PPP2R2C: variants seen among roughly 807,000 people sequenced by gnomAD.
PPP2R2C encodes protein phosphatase 2 regulatory subunit Bgamma.
A neutral mutation model predicts 45.3 loss-of-function variants in PPP2R2C; 10 were observed. The ratio of observed to expected loss-of-function variants is 0.22; its 90% CI spans 0.14 to 0.37. The LOEUF is 0.37. Among genes scored for constraint, PPP2R2C ranks in the 10% least tolerant of loss-of-function variants. The pLI, the probability that PPP2R2C is intolerant of heterozygous loss-of-function variation, is 1.00. For missense variants in PPP2R2C, 308 were observed against 619.7 expected (o/e 0.50, Z 5.34); for synonymous variants, 257 against 245.4 (o/e 1.05, Z -0.44).
chr4:6,391,142 G>A (rs1160892430), intron 1 of PPP2R2C, among the ~76,000 whole-genome samples: 1 of 152,110 alleles, frequency 6.6e-6, no homozygotes, highest in East Asian at 1.9e-4. Context: ...GCCCACCCAC[G>A]TAACCTGGAC....
At chr4:6,519,477 G>A (rs1054309688) in intron 2 of PPP2R2C, among the ~76,000 whole-genome samples, 5 of 152,112 alleles carry the variant, frequency 3.3e-5, no homozygotes, top group South Asian at 2.1e-4. Flanking sequence ...CCCAGCTCCC[G>A]TCATGCAGCC....
chr4:6,546,156 A>C (rs1342176720), intron 1 of PPP2R2C, among the ~76,000 whole-genome samples: 2 of 152,200 alleles, frequency 1.3e-5, no homozygotes, highest in Non-Finnish European at 2.9e-5. Context: ...ATCCATGGGA[A>C]CTCTGCAAGG....
At chr4:6,501,405 A>C (rs907499232) in intron 2 of PPP2R2C, among the ~76,000 whole-genome samples, 2 of 152,104 alleles carry the variant, frequency 1.3e-5, no homozygotes, top group Admixed American at 6.5e-5. Flanking sequence ...ACCCCCTCTC[A>C]ATCCAGAAAA....
At chr4:6,503,503 T>C (rs941344108) in intron 2 of PPP2R2C, among the ~76,000 whole-genome samples, 7 of 152,224 alleles carry the variant, frequency 4.6e-5, no homozygotes, top group Admixed American at 3.3e-4. Context: ...GACCTGTTTC[T>C]ATTTACTGTA....
At chr4:6,508,658 T>C (rs760283468) in intron 2 of PPP2R2C, among the ~76,000 whole-genome samples, 2 of 152,144 alleles carry the variant, frequency 1.3e-5, no homozygotes, top group African/African-American at 2.4e-5. Context: ...TGACAGGATC[T>C]GAGTTGGGCG....
At chr4:6,438,898 T>C (rs1489242655) in intron 1 of PPP2R2C, among the ~76,000 whole-genome samples, 1 of 152,200 alleles carries the variant, frequency 6.6e-6, no homozygotes, top group Non-Finnish European at 1.5e-5. Context: ...AGGTGTTCCC[T>C]GACACAGTGC....
At chr4:6,362,982 G>A (rs983297013) in intron 5 of PPP2R2C, among the ~76,000 whole-genome samples, 2 of 152,186 alleles carry the variant, frequency 1.3e-5, no homozygotes, top group South Asian at 2.1e-4. Context: ...ACCACATAGT[G>A]TTGTTGGGAG....
intron 1 of PPP2R2C, among the ~76,000 whole-genome samples, chr4:6,545,644 C>T (rs1724954874): frequency 6.6e-6 from 1 of 152,222 alleles, no homozygotes; most frequent in Admixed American, 6.5e-5. Context: ...ACCTCTCTGA[C>T]ATCAGTTTCT....
In PPP2R2C at chr4:6,445,629, G is replaced by A. The variant is rs557618617; in HGVS notation, c.70+26531C>T. On this transcript the variant is annotated intron_variant, in intron 1 of 8. Coordinates refer to ENST00000382599, the MANE Select transcript of PPP2R2C (RefSeq NM_020416.4). ...AGCACTCTGGGAGGCCCCGGCAGGGGGATCACTTGAGTCTAGGAGTTTGAG... is the reference window on the plus strand; with the variant it reads ...AGCACTCTGGGAGGCCCCGGCAGGGAGATCACTTGAGTCTAGGAGTTTGAG... Among the ~76,000 whole-genome samples, 3 of 152,322 alleles carry A rather than the reference G, an allele frequency of 2.0e-5. No homozygotes were observed. The South Asian group carries it at 6.2e-4, about 32-fold the overall frequency.
Position 6,345,536 on chromosome 4 carries a change from G to A in PPP2R2C, c.790+2310C>T, listed in dbSNP as rs1711783203. Among the ~76,000 whole-genome samples, 1 of 152,234 alleles carries A rather than the reference G, an allele frequency of 6.6e-6. No individual in the cohort carries two copies. ...CAAGGGCCTTTATACGCGAAAGACAGACAGGAGGGTCAGAGACGTGAGAGA... is the reference window on the plus strand; with the variant it reads ...CAAGGGCCTTTATACGCGAAAGACAAACAGGAGGGTCAGAGACGTGAGAGA... On this transcript the variant is annotated intron_variant, in intron 6 of 8. Coordinates refer to ENST00000382599, the MANE Select transcript of PPP2R2C (RefSeq NM_020416.4). The surrounding 1 kb of genome is among the most constrained non-coding windows in gnomAD (Gnocchi z 5.3).
chr4:6,482,412 T>C (rs1171435026), intron 2 of PPP2R2C, among the ~76,000 whole-genome samples: 1 of 152,322 alleles, frequency 6.6e-6, no homozygotes, highest in East Asian at 1.9e-4. Context: ...TCCTCTGCTG[T>C]GAACCACTGA....
chr4:6,504,882 T>A (rs919039689), intron 2 of PPP2R2C, among the ~76,000 whole-genome samples: 3 of 152,072 alleles, frequency 2.0e-5, no homozygotes, highest in African/African-American at 7.2e-5. Context: ...CACAAAAGTA[T>A]AACAATGGCT....
intron 1 of PPP2R2C, among the ~76,000 whole-genome samples, chr4:6,453,945 A>C (rs757226915): frequency 5.8e-4 from 88 of 152,104 alleles, no homozygotes; most frequent in Non-Finnish European, 1.0e-3. Context: ...CCCGGTGCAC[A>C]CCCAGGGCCA....
chr4:6,482,935 C>T (rs1377574047), intron 2 of PPP2R2C, among the ~76,000 whole-genome samples: 2 of 151,980 alleles, frequency 1.3e-5, no homozygotes, highest in Non-Finnish European at 2.9e-5. Flanking sequence ...TAAAATTTGT[C>T]TAATGTGGAT....
At chr4:6,395,070 T>C (rs1338064736) in intron 1 of PPP2R2C, among the ~76,000 whole-genome samples, 1 of 152,116 alleles carries the variant, frequency 6.6e-6, no homozygotes, top group Non-Finnish European at 1.5e-5. Context: ...GCCTCCTCTC[T>C]GGATTTCCTG....
Position 6,349,503 on chromosome 4 carries a change from T to C in PPP2R2C, c.626-1493A>G. On this transcript the variant is annotated intron_variant, in intron 5 of 8. Transcript: ENST00000382599. ...TTATTATTTTCTATCTGGAAAATAC[T>C]GACTGAAACTCTGAAATCCATCTGC... The C allele has an allele frequency of 3.0e-6, 3 of 985,438 alleles. No individual in the cohort carries two copies. The South Asian group carries it at 1.4e-4, about 46-fold the overall frequency. 61.0% of individuals were successfully genotyped at this position (985,438 alleles called of 1,614,324 possible). A position where few individuals can be genotyped will look rare whatever the true frequency, so the allele number is the denominator to read the frequency against.
chr4:6,511,552 G>T (rs1443617497), intron 2 of PPP2R2C, among the ~76,000 whole-genome samples: 1 of 53,734 alleles, frequency 1.9e-5, no homozygotes, highest in African/African-American at 6.8e-5. Context: ...GGTGATGGTG[G>T]TGGTGGTGGT....
intron 1 of PPP2R2C, among the ~76,000 whole-genome samples, chr4:6,424,126 A>G (rs1268011569): frequency 2.6e-5 from 4 of 152,156 alleles, no homozygotes; most frequent in African/African-American, 9.7e-5. Context: ...ATTAGGAGGA[A>G]GGGGCTGCCC....
intron 1 of PPP2R2C, among the ~76,000 whole-genome samples, chr4:6,448,165 T>C (rs566809338): frequency 6.4e-4 from 97 of 152,296 alleles, no homozygotes; most frequent in African/African-American, 2.1e-3. Context: ...GTGCGTTCTC[T>C]GTGCCAGACT....
Sources: allele counts gnomAD v4.1 joint callset (sites outside exome capture counted in the v4.1 genomes callset), GRCh38; gene constraint gnomAD v4.1.1; non-coding constraint Gnocchi (gnomAD v3.1); transcripts MANE v1.5; gene names NCBI Gene and HGNC (gene_info 2026-07-23, HGNC 2026-07-21).